CSPG4: variants seen among roughly 807,000 people sequenced by gnomAD.
The protein encoded by CSPG4 is chondroitin sulfate proteoglycan 4, also known as chondroitin sulfate proteoglycan 4 (melanoma-associated).
CSPG4 carries 74 observed loss-of-function variants against 139.3 expected under a neutral mutation model. That is an observed-to-expected ratio of 0.53 (90% CI 0.44 to 0.64). CSPG4 has a LOEUF of 0.64. Among genes scored for constraint, CSPG4 ranks in the 30% least tolerant of loss-of-function variants. CSPG4 has a pLI of 0.00. For synonymous variants in CSPG4, 1,234 were observed against 1,394.2 expected (o/e 0.89, Z 2.56); for missense variants, 2,565 against 3,148.3 (o/e 0.81, Z 4.43).
chr15:75,676,712 T>C lies in CSPG4; in HGVS notation c.5807A>G (p.Asp1936Gly), dbSNP rs137981794. ...SPPLPMSLAV[D>G]ILPSAIEVQL... ...CACCTCGATGGCGGATGGTAGGATG[T>C]CCACAGCCAGGGACATGGGCAGGGG... The change falls in exon 10 of 10, where the codon GAC becomes GGC. Residue 1936 changes from aspartate (D) to glycine (G), a missense_variant. Asp to Gly is a moderately conservative substitution (Grantham distance 94). Around this residue, in one of 5 missense-constraint regions of CSPG4, gnomAD observed 2,316 missense variants for 2,818.2 expected, o/e 0.82. Coordinates refer to ENST00000308508, the MANE Select transcript of CSPG4 (RefSeq NM_001897.5). 328 of 1,587,742 alleles carry C rather than the reference T, an allele frequency of 2.1e-4. No individual in the cohort carries two copies. The highest frequency in any genetic ancestry group is 3.1e-4 in the Admixed American group (18 of 58,240).
At position 75,685,433 on chromosome 15, in the gene CSPG4, A is replaced by C. The variant is rs1894043026; in HGVS notation, c.4058T>G (p.Val1353Gly). 6.2e-7 allele frequency: 1 copy of C among 1,612,132 alleles called. No homozygotes were observed. Among genetic ancestry groups the C allele is most frequent in the Admixed American group, 1.7e-5 (1 of 59,954 alleles). The part of the protein sequence containing the change: ...PLEGVLVELE[V>G]LPAAIPLEAQ... ...CTCTAGTGGGATGGCAGCGGGCAGCACCTCCAGCTCCACAAGGACGCCCTC... is the reference window on the plus strand; with the variant it reads ...CTCTAGTGGGATGGCAGCGGGCAGCCCCTCCAGCTCCACAAGGACGCCCTC... The change falls in exon 4 of 10, where the codon GTG becomes GGG. Residue 1353 changes from valine to glycine, a missense_variant. Coordinates refer to ENST00000308508, the MANE Select transcript of CSPG4 (RefSeq NM_001897.5).
chr15:75,677,139 G>T lies in CSPG4; in HGVS notation c.5380C>A (p.Gln1794Lys). ...LVYAHGGGGT[Q>K]QDGFHFRAHL... The stretch of plus-strand genomic sequence containing the variant: ...GCACGAAAGTGGAAGCCATCCTGCT[G>T]GGTGCCCCCACCGCCGTGGGCATAC... Residue 1794 changes from glutamine to lysine, a missense_variant, in exon 10 of 10, where the codon CAG becomes AAG. Gln to Lys is a moderately conservative substitution (Grantham distance 53). Around this residue, in one of 5 missense-constraint regions of CSPG4, gnomAD observed 2,316 missense variants for 2,818.2 expected, o/e 0.82. Coordinates refer to ENST00000308508, the MANE Select transcript of CSPG4 (RefSeq NM_001897.5). 7.0e-7 allele frequency: 1 copy of T among 1,423,024 alleles called. No individual in the cohort carries two copies. Among genetic ancestry groups the T allele is most frequent in the East Asian group, 2.6e-5 (1 of 39,004 alleles). The allele number at this position is 1,423,024 out of a possible 1,614,324, so 88.1% of individuals were successfully genotyped here. A position where few individuals can be genotyped will look rare whatever the true frequency, so the allele number is the denominator to read the frequency against.
intron 1 of CSPG4, among the ~76,000 whole-genome samples, chr15:75,701,631 C>T (rs1009975538): frequency 1.3e-5 from 2 of 152,174 alleles, no homozygotes; most frequent in African/African-American, 2.4e-5. Context: ...CCCTCTGGCC[C>T]TCCTTTTCTC....
chr15:75,710,510 G>A (rs1211101018), intron 1 of CSPG4, among the ~76,000 whole-genome samples: 1 of 152,132 alleles, frequency 6.6e-6, no homozygotes, highest in Non-Finnish European at 1.5e-5. Flanking sequence ...GGGGTTCTTG[G>A]TGGAACTCAG....
At position 75,690,383 on chromosome 15, in the gene CSPG4, A is replaced by T; in HGVS notation, c.682T>A (p.Phe228Ile). 6.2e-7 allele frequency: 1 copy of T among 1,610,490 alleles called. No individual in the cohort carries two copies. The highest frequency in any genetic ancestry group is 8.5e-7 in the Non-Finnish European group (1 of 1,179,112). ...TGCCGGCTCTGTGTGGTGAGTGTAA[A>T]CTCTAGGGTTCCTTCGTCCTGAGTG... ...WGTQDEGTLEFTLTTQSRQAP... is the reference protein window; with the variant it reads ...WGTQDEGTLEITLTTQSRQAP... The change falls in exon 3 of 10, where the codon TTT becomes ATT. Residue 228 changes from phenylalanine (F) to isoleucine (I), a missense_variant. By Grantham distance (21) the Phe-to-Ile change is conservative. Coordinates refer to ENST00000308508, the MANE Select transcript of CSPG4 (RefSeq NM_001897.5).
At position 75,688,944 on chromosome 15, in the gene CSPG4, C is replaced by G. The variant is rs2141429486; in HGVS notation, c.2121G>C (p.Leu707=). 6.2e-7 allele frequency: 1 copy of G among 1,612,608 alleles called. No homozygotes were observed. Among genetic ancestry groups the G allele is most frequent in the East Asian group, 2.2e-5 (1 of 44,888 alleles). The change falls in exon 3 of 10, where the codon CTG becomes CTC. Residue 707 remains leucine (L), a synonymous_variant. Coordinates refer to ENST00000308508, the MANE Select transcript of CSPG4 (RefSeq NM_001897.5). ...CCTGCTTCTGCAGCTCCCCAAACTG[C>G]AGGGCCCCAGTGACGCGGAACAGCA... The part of the protein sequence containing the change: ...VSVLFRVTGA[L]QFGELQKQGA...
At position 75,676,419 on chromosome 15, in the gene CSPG4, T is replaced by C. The variant is rs1185471006; in HGVS notation, c.6100A>G (p.Asn2034Asp). The part of the protein sequence containing the change: ...FRVLALARGV[N>D]ASAVVNVTVR... The stretch of plus-strand genomic sequence containing the variant: ...GTGACGTTCACTACGGCTGATGCAT[T>C]GACACCCCTAGCCAGTGCCAGGACT... Residue 2034 changes from asparagine (N) to aspartate (D), a missense_variant, in exon 10 of 10, where the codon AAT becomes GAT. Asn to Asp is a conservative substitution (Grantham distance 23). This residue lies in a region of CSPG4 where 2,316 missense variants were observed against 2,818.2 expected (regional missense o/e 0.82). Transcript: ENST00000308508. The C allele has an allele frequency of 6.2e-7, 1 of 1,613,766 alleles. No homozygotes were observed. The highest frequency in any genetic ancestry group is 8.5e-7 in the Non-Finnish European group (1 of 1,180,030).
In CSPG4 at chr15:75,698,033, C is replaced by T. The variant is rs978936797; in HGVS notation, c.89-4800G>A. 3.2e-4 allele frequency among the ~76,000 whole-genome samples: 48 copies of T among 152,174 alleles called. No individual in the cohort carries two copies. The highest frequency in any genetic ancestry group is 1.1e-3 in the African/African-American group (47 of 41,416). On this transcript the variant is annotated intron_variant, in intron 1 of 9. Coordinates refer to ENST00000308508, the MANE Select transcript of CSPG4 (RefSeq NM_001897.5). The surrounding 1 kb of genome is among the most constrained non-coding windows in gnomAD (Gnocchi z 4.3). ...AGGAAGGAGACGGAGGAGGAAAACT[C>T]GAGGGAGACAGAGAAGGCGGGATGT...
chr15:75,676,725 A>G lies in CSPG4; in HGVS notation c.5794T>C (p.Ser1932Pro), dbSNP rs1229065407. The change falls in exon 10 of 10, where the codon TCC becomes CCC. Residue 1932 changes from serine (S) to proline (P), a missense_variant. Physicochemically the swap from Ser to Pro is moderately conservative, Grantham distance 74. Coordinates refer to ENST00000308508, the MANE Select transcript of CSPG4 (RefSeq NM_001897.5). ...SDGASPPLPMSLAVDILPSAI... is the reference protein window; with the variant it reads ...SDGASPPLPMPLAVDILPSAI... Reference sequence around the variant, plus strand: ...GATGGTAGGATGTCCACAGCCAGGGACATGGGCAGGGGTGGGCTGGCCCCA... The same window carrying G: ...GATGGTAGGATGTCCACAGCCAGGGGCATGGGCAGGGGTGGGCTGGCCCCA... 1 of 1,584,662 alleles carries G rather than the reference A, an allele frequency of 6.3e-7. No homozygotes were observed. Among genetic ancestry groups the G allele is most frequent in the Non-Finnish European group, 8.6e-7 (1 of 1,163,288 alleles).
intron 1 of CSPG4, among the ~76,000 whole-genome samples, chr15:75,693,548 T>A (rs376834025): frequency 1.3e-5 from 2 of 152,296 alleles, no homozygotes; most frequent in East Asian, 3.9e-4. Flanking sequence ...CTGACTCGCC[T>A]CCCCTGGGCC....
Position 75,688,098 on chromosome 15 carries a change from G to C in CSPG4, c.2967C>G (p.Thr989=). 2 of 1,612,852 alleles carry C rather than the reference G, an allele frequency of 1.2e-6. No homozygotes were observed. Among genetic ancestry groups the C allele is most frequent in the Non-Finnish European group, 1.7e-6 (2 of 1,179,876 alleles). The change falls in exon 3 of 10, where the codon ACC becomes ACG. Residue 989 remains threonine, a synonymous_variant. Transcript: ENST00000308508. ...TTEDDIPFVA[T]RQGESSGDMA... is the part of the protein sequence containing the mutation. ...TGTCACCACTGCTCTCGCCCTGGCG[G>C]GTAGCAACAAATGGGATATCATCTT...
chr15:75,687,967 C>T lies in CSPG4; in HGVS notation c.3098G>A (p.Gly1033Glu), dbSNP rs779921402. The change falls in exon 3 of 10, where the codon GGG becomes GAG. Residue 1033 changes from glycine (G) to glutamate (E), a missense_variant. Physicochemically the swap from Gly to Glu is moderately conservative, Grantham distance 98. Coordinates refer to ENST00000308508, the MANE Select transcript of CSPG4 (RefSeq NM_001897.5). The surrounding 1 kb of genome is among the most constrained non-coding windows in gnomAD (Gnocchi z 5.4). The part of the protein sequence containing the change: ...ISRIFHVARG[G>E]RRLLTTDDVA... ...GTCGTCTGTAGTCAGCAGCCGCCGC[C>T]CACCCCGGGCCACATGGAAGATCCG... The T allele has an allele frequency of 2.9e-5, 46 of 1,612,572 alleles. No individual in the cohort carries two copies. The highest frequency in any genetic ancestry group is 3.6e-5 in the Non-Finnish European group (43 of 1,179,932).
chr15:75,689,542 T>C lies in CSPG4; in HGVS notation c.1523A>G (p.His508Arg). The C allele has an allele frequency of 1.2e-6, 2 of 1,612,802 alleles. No individual in the cohort carries two copies. The highest frequency in any genetic ancestry group is 1.7e-6 in the Non-Finnish European group (2 of 1,179,844). ...GTCGGAGGTGTCCTCAGAGCCATCGTGGATGAAGCGGGCCTTGCGGTTCAC... is the reference window on the plus strand; with the variant it reads ...GTCGGAGGTGTCCTCAGAGCCATCGCGGATGAAGCGGGCCTTGCGGTTCAC... ...DVVNRKARFI[H>R]DGSEDTSDQL... The change falls in exon 3 of 10, where the codon CAC (histidine) becomes CGC (arginine). Residue 508 changes from histidine to arginine, a missense_variant. Coordinates refer to ENST00000308508, the MANE Select transcript of CSPG4 (RefSeq NM_001897.5).
At chr15:75,678,947 C>T in intron 8 of CSPG4, 1 of 361,190 alleles carries the variant, frequency 2.8e-6, no homozygotes, top group Non-Finnish European at 5.4e-6. Context: ...GGATACTTCA[C>T]TCTGGGGTTC....
At chr15:75,703,208 CAG>C (rs1894327311) in intron 1 of CSPG4, among the ~76,000 whole-genome samples, 1 of 129,132 alleles carries the variant, frequency 7.7e-6, no homozygotes, top group Non-Finnish European at 1.7e-5. Flanking sequence ...GGCAGACAGA[CAG>C]AGAGACAGGG....
rs1382231903 is a variant in CSPG4, at chr15:75,676,005, T to C, written c.6514A>G (p.Ser2172Gly). ...TCGGGGACACTGAGCAGGGCCACGCTGTAGGGCCGGGCAGCATTGTAAGGC... is the reference window on the plus strand; with the variant it reads ...TCGGGGACACTGAGCAGGGCCACGCCGTAGGGCCGGGCAGCATTGTAAGGC... ...TEPYNAARPY[S>G]VALLSVPEAA... Residue 2172 changes from serine to glycine, a missense_variant, in exon 10 of 10, where the codon AGC (serine) becomes GGC (glycine). Coordinates refer to ENST00000308508, the MANE Select transcript of CSPG4 (RefSeq NM_001897.5). The C allele has an allele frequency of 9.6e-6, 15 of 1,570,330 alleles. No individual in the cohort carries two copies. The highest frequency in any genetic ancestry group is 1.3e-5 in the Non-Finnish European group (15 of 1,163,056).
chr15:75,678,479 A>C (rs1893924145), intron 8 of CSPG4: 1 of 363,542 alleles, frequency 2.8e-6, no homozygotes, highest in African/African-American at 2.1e-5. Flanking sequence ...CAGCTTCCCA[A>C]GTAGCGGGGA....
chr15:75,678,854 G>A (rs1448179034), intron 8 of CSPG4: 9 of 453,544 alleles, frequency 2.0e-5, no homozygotes, highest in East Asian at 7.0e-5. Context: ...TGGATCCAGC[G>A]GTCGGCTCTC....
upstream of CSPG4, chr15:75,712,850 G>A (rs1894466305): frequency 8.2e-6 from 9 of 1,096,082 alleles, no homozygotes; most frequent in East Asian, 3.1e-5. Context: ...CCTGGGCGCG[G>A]GCCGGCTCCG....
Sources: gnomAD v4.1 joint callset for allele counts (sites outside exome capture counted in the v4.1 genomes callset) on GRCh38, gnomAD v4.1.1 for gene constraint, gnomAD v4.1.1 regional missense constraint, Gnocchi (gnomAD v3.1) non-coding constraint, MANE v1.5 for transcripts, NCBI Gene and HGNC (gene_info 2026-07-23, HGNC 2026-07-21) for gene names.